CLASP1: variants seen among roughly 807,000 people sequenced by gnomAD.
The protein encoded by CLASP1 is cytoplasmic linker associated protein 1.
CLASP1 carries 38 observed loss-of-function variants against 192.3 expected under a neutral mutation model. The ratio of observed to expected loss-of-function variants is 0.20; its 90% CI spans 0.15 to 0.26. CLASP1 has a LOEUF of 0.26. Ranked by LOEUF, CLASP1 falls within the 10% of genes least tolerant of loss-of-function variation. CLASP1 has a pLI of 1.00. For synonymous variants in CLASP1, 691 were observed against 712.8 expected (o/e 0.97, Z 0.49); for missense variants, 1,433 against 1,932.5 (o/e 0.74, Z 4.85).
At chr2:121,412,924 C>G (rs550501438) in intron 23 of CLASP1, among the ~76,000 whole-genome samples, 10 of 152,266 alleles carry the variant, frequency 6.6e-5, no homozygotes, top group African/African-American at 2.4e-4. Flanking sequence ...TGACTGTGCT[C>G]TCAGTCTGGT....
At chr2:121,407,442 T>C (rs2077087120) in intron 25 of CLASP1, 29 bp downstream of exon 26, 1 of 1,612,108 alleles carries the variant, frequency 6.2e-7, no homozygotes, top group Non-Finnish European at 8.5e-7. Context: ...AGATTCAAAC[T>C]TAGCTCATAT....
chr2:121,575,577 G>C (rs1340568779), intron 2 of CLASP1, among the ~76,000 whole-genome samples: 1 of 152,214 alleles, frequency 6.6e-6, no homozygotes, highest in Non-Finnish European at 1.5e-5. Context: ...GTCCTGTAAA[G>C]AGGTATGGCA....
At chr2:121,550,892 C>T (rs2057978865) in intron 2 of CLASP1, among the ~76,000 whole-genome samples, 1 of 152,134 alleles carries the variant, frequency 6.6e-6, no homozygotes, top group African/African-American at 2.4e-5. Flanking sequence ...CATACTAATA[C>T]CAAAACCCAG....
intron 2 of CLASP1, among the ~76,000 whole-genome samples, chr2:121,575,000 C>A (rs549348870): frequency 3.3e-5 from 5 of 151,916 alleles, no homozygotes; most frequent in Non-Finnish European, 7.4e-5. Context: ...AAAAAAAAAA[C>A]TATGTGAGGT....
At chr2:121,571,889 G>T (rs2060008491) in intron 2 of CLASP1, among the ~76,000 whole-genome samples, 1 of 151,888 alleles carries the variant, frequency 6.6e-6, no homozygotes, top group Non-Finnish European at 1.5e-5. Flanking sequence ...AGGCAGCAGA[G>T]AACTCAAGGC....
chr2:121,549,706 C>CAA (rs57551536), intron 2 of CLASP1, among the ~76,000 whole-genome samples: 5 of 70,608 alleles, frequency 7.1e-5, no homozygotes, highest in Non-Finnish European at 5.8e-5. Context: ...CAATCCTCTG[C>CAA]AAAAAAAAAA....
chr2:121,350,179 T>C (rs1199597225), intron 37 of CLASP1, among the ~76,000 whole-genome samples: 1 of 152,242 alleles, frequency 6.6e-6, no homozygotes, highest in Non-Finnish European at 1.5e-5. Flanking sequence ...TTTTGCATTA[T>C]GTTCTGTTAC....
At chr2:121,466,394 T>C (rs1215841980) in intron 9 of CLASP1, among the ~76,000 whole-genome samples, 5 of 152,114 alleles carry the variant, frequency 3.3e-5, no homozygotes, top group Non-Finnish European at 7.4e-5. Flanking sequence ...AAGATACCAA[T>C]ATTCTAGGGC....
intron 32 of CLASP1, among the ~76,000 whole-genome samples, chr2:121,385,056 GATCTGTCT>G (rs891262020): frequency 9.2e-5 from 14 of 152,096 alleles, no homozygotes; most frequent in African/African-American, 3.4e-4. Flanking sequence ...ATATACAACA[GATCTGTCT>G]ATCTGTCTGT....
At chr2:121,604,094 C>T (rs1295601957) in intron 2 of CLASP1, among the ~76,000 whole-genome samples, 2 of 152,142 alleles carry the variant, frequency 1.3e-5, no homozygotes, top group African/African-American at 4.8e-5. Context: ...AAATGATAAA[C>T]ATTTGAGATG....
At chr2:121,374,201 G>T (rs2069428071) in intron 34 of CLASP1, among the ~76,000 whole-genome samples, 1 of 152,254 alleles carries the variant, frequency 6.6e-6, no homozygotes, top group Non-Finnish European at 1.5e-5. Flanking sequence ...GCTAAAAGGG[G>T]CCAACGTACA....
chr2:121,610,209 G>GTTA (rs2065041117), intron 1 of CLASP1, among the ~76,000 whole-genome samples: 1 of 149,880 alleles, frequency 6.7e-6, no homozygotes, highest in African/African-American at 2.5e-5. Context: ...AGGAAGAGGA[G>GTTA]CTGGAGGAGA....
At chr2:121,591,148 G>A (rs748133028) in intron 2 of CLASP1, among the ~76,000 whole-genome samples, 4 of 151,876 alleles carry the variant, frequency 2.6e-5, no homozygotes, top group Non-Finnish European at 4.4e-5. Context: ...TTACAGGTGT[G>A]AGCCACTGCG....
chr2:121,487,702 C>A (rs1036072736), intron 8 of CLASP1, among the ~76,000 whole-genome samples: 3 of 152,210 alleles, frequency 2.0e-5, no homozygotes, highest in Admixed American at 6.5e-5. Flanking sequence ...ATGCCATTCT[C>A]ATCACATCCT....
chr2:121,365,662 T>C (rs1448775153), intron 35 of CLASP1, among the ~76,000 whole-genome samples: 1 of 152,196 alleles, frequency 6.6e-6, no homozygotes, highest in East Asian at 1.9e-4. Flanking sequence ...TGGTCCTGAG[T>C]CAGACCCACC....
chr2:121,525,908 C>T, exon 6 of CLASP1: 2 of 1,613,086 alleles, frequency 1.2e-6, no homozygotes, highest in South Asian at 1.1e-5. Context: ...GTGTTAAAGT[C>T]TGTGCTCCAG....
intron 34 of CLASP1, among the ~76,000 whole-genome samples, chr2:121,376,208 CAA>C (rs961200301): frequency 1.3e-5 from 2 of 152,094 alleles, no homozygotes; most frequent in African/African-American, 2.4e-5. Flanking sequence ...ATCAGTATAT[CAA>C]AGAGATGCCT....
Position 121,623,387 on chromosome 2 carries a change from C to T in CLASP1, c.-285-17207G>A, listed in dbSNP as rs181687981. Among the ~76,000 whole-genome samples, 5 of 152,314 alleles carry T rather than the reference C, an allele frequency of 3.3e-5. No individual in the cohort carries two copies. In the South Asian group the frequency reaches 8.3e-4, roughly 25 times the overall value. ...TTGCATTCCTGGGATAATTCCCACT[C>T]GGTCACAGTACAGAATTCTTCCGAT... On this transcript the variant is annotated intron_variant, in intron 1 of 39. Transcript: ENST00000263710.
intron 8 of CLASP1, among the ~76,000 whole-genome samples, chr2:121,478,661 C>A (rs1575265548): frequency 2.8e-5 from 2 of 71,244 alleles, no homozygotes; most frequent in African/African-American, 1.8e-4. Flanking sequence ...CACACACACA[C>A]CCCCCACACA....
Sources: allele counts gnomAD v4.1 joint callset (sites outside exome capture counted in the v4.1 genomes callset), GRCh38; gene constraint gnomAD v4.1.1; transcripts MANE v1.5; gene names NCBI Gene and HGNC (gene_info 2026-07-23, HGNC 2026-07-21).